IGF1R: variants seen among roughly 807,000 people sequenced by gnomAD.
The protein encoded by IGF1R is insulin-like growth factor 1 receptor.
IGF1R carries 44 observed loss-of-function variants against 144.6 expected under a neutral mutation model. That is an observed-to-expected ratio of 0.30 (90% CI 0.24 to 0.39). The LOEUF (loss-of-function observed/expected upper bound fraction) is 0.39, where lower values mean the gene tolerates loss of function less well. Ranked by LOEUF, IGF1R falls within the 10% of genes least tolerant of loss-of-function variation. IGF1R has a pLI of 1.00. For missense variants in IGF1R, 1,355 were observed against 1,833.7 expected (o/e 0.74, Z 4.77); for synonymous variants, 795 against 722.8 (o/e 1.10, Z -1.60).
At chr15:98,878,663 C>CA (rs138285597) in intron 2 of IGF1R, among the ~76,000 whole-genome samples, 815 of 57,840 alleles carry the variant, frequency 0.014, 38 homozygotes, top group African/African-American at 0.019. Context: ...GTGAAAGACT[C>CA]AAAAAAAAAA....
chr15:98,665,197 C>G lies in IGF1R; in HGVS notation c.94+15522C>G, dbSNP rs184585720. On this transcript the variant is annotated intron_variant, in intron 1 of 20. Transcript: ENST00000650285. ...TGATCTCCTGACCTTGTGATCCGCCCACCTCGGCCTCCCAAAGTGCTGGGA... is the reference window on the plus strand; with the variant it reads ...TGATCTCCTGACCTTGTGATCCGCCGACCTCGGCCTCCCAAAGTGCTGGGA... Among the ~76,000 whole-genome samples the G allele has an allele frequency of 7.2e-3, 1,091 of 152,252 alleles. 9 individuals carry two copies. The highest frequency in any genetic ancestry group is 0.01 in the Non-Finnish European group (702 of 68,020).
intron 1 of IGF1R, among the ~76,000 whole-genome samples, chr15:98,652,448 A>G (rs2052391212): frequency 6.6e-6 from 1 of 152,254 alleles, no homozygotes; most frequent in Non-Finnish European, 1.5e-5. Context: ...GAAAGAACCT[A>G]AACAGCAAAT....
At chr15:98,868,008 C>G (rs1194288665) in intron 2 of IGF1R, among the ~76,000 whole-genome samples, 3 of 152,104 alleles carry the variant, frequency 2.0e-5, no homozygotes, top group Non-Finnish European at 4.4e-5. Flanking sequence ...CGAGACTAGC[C>G]TGGCCAACGT....
chr15:98,826,469 G>A (rs1305889143), intron 2 of IGF1R, among the ~76,000 whole-genome samples: 3 of 152,172 alleles, frequency 2.0e-5, no homozygotes, highest in Non-Finnish European at 2.9e-5. Context: ...AAAATGCAAC[G>A]ACTGTAATTT....
At chr15:98,814,977 A>C (rs1335266858) in intron 2 of IGF1R, among the ~76,000 whole-genome samples, 1 of 152,194 alleles carries the variant, frequency 6.6e-6, no homozygotes, top group Non-Finnish European at 1.5e-5. Flanking sequence ...TCAGAGTAGC[A>C]GTTATAAAGT....
At chr15:98,752,679 G>A (rs113207462) in intron 2 of IGF1R, among the ~76,000 whole-genome samples, 5,830 of 106,958 alleles carry the variant, frequency 0.055, 332 homozygotes, top group African/African-American at 0.17. Flanking sequence ...GCGAGACTCC[G>A]TCTCAAAGAA....
intron 2 of IGF1R, among the ~76,000 whole-genome samples, chr15:98,769,263 G>T (rs564699705): frequency 6.6e-6 from 1 of 152,328 alleles, no homozygotes; most frequent in African/African-American, 2.4e-5. Flanking sequence ...TCCATGAAGG[G>T]ATAGGCATTG....
At chr15:98,733,745 T>G (rs2054550030) in intron 2 of IGF1R, among the ~76,000 whole-genome samples, 1 of 152,314 alleles carries the variant, frequency 6.6e-6, no homozygotes, top group African/African-American at 2.4e-5. Context: ...TGGGACTGTT[T>G]GCAAGCTACT....
intron 2 of IGF1R, among the ~76,000 whole-genome samples, chr15:98,758,627 G>A (rs1039560164): frequency 2.0e-5 from 3 of 152,218 alleles, no homozygotes; most frequent in African/African-American, 7.2e-5. Context: ...GATGAGCAGG[G>A]TGCAGGGCCT....
At chr15:98,758,210 T>G (rs1188527490) in intron 2 of IGF1R, among the ~76,000 whole-genome samples, 2 of 150,168 alleles carry the variant, frequency 1.3e-5, no homozygotes, top group Non-Finnish European at 1.5e-5. Context: ...TTAAAGTGTT[T>G]TTTTTTTTTT....
intron 2 of IGF1R, among the ~76,000 whole-genome samples, chr15:98,858,279 G>C (rs2011946567): frequency 6.6e-6 from 1 of 151,522 alleles, no homozygotes; most frequent in African/African-American, 2.4e-5. Context: ...TTCATTTGTA[G>C]TTTCCCCCCG....
At chr15:98,749,656 G>A (rs1336914189) in intron 2 of IGF1R, among the ~76,000 whole-genome samples, 1 of 152,204 alleles carries the variant, frequency 6.6e-6, no homozygotes, top group Non-Finnish European at 1.5e-5. Flanking sequence ...AGCTGACATT[G>A]TAATGACATG....
chr15:98,876,093 A>G (rs1227534649), intron 2 of IGF1R, among the ~76,000 whole-genome samples: 1 of 152,220 alleles, frequency 6.6e-6, no homozygotes, highest in East Asian at 1.9e-4. Context: ...AAACCAGGAA[A>G]TAATAGTAGA....
chr15:98,865,225 C>T (rs1270371169), intron 2 of IGF1R, among the ~76,000 whole-genome samples: 1 of 152,174 alleles, frequency 6.6e-6, no homozygotes, highest in South Asian at 2.1e-4. Flanking sequence ...TTTGTGTTTG[C>T]AGTTTCCAGA....
rs562289214 is a variant in IGF1R at position 98,679,144 on chromosome 15, G to T, written c.95-28418G>T. On this transcript the variant is annotated intron_variant, in intron 1 of 20. Transcript: ENST00000650285. ...TGGTTTTGAACTCCTGGGATCAAGC[G>T]ACCCTCCTCCCTTGGCCTCCCAAAG... Among the ~76,000 whole-genome samples, 55 of 152,068 alleles carry T rather than the reference G, an allele frequency of 3.6e-4. 1 individual carries two copies. Among genetic ancestry groups the T allele is most frequent in the African/African-American group, 1.1e-3 (45 of 41,464 alleles).
intron 2 of IGF1R, among the ~76,000 whole-genome samples, chr15:98,851,158 G>A (rs2011512849): frequency 6.6e-6 from 1 of 152,164 alleles, no homozygotes; most frequent in Admixed American, 6.5e-5. Context: ...GTGAAGGTTT[G>A]TGTGTGGCCC....
chr15:98,827,523 A>T (rs952376158), intron 2 of IGF1R, among the ~76,000 whole-genome samples: 7 of 152,242 alleles, frequency 4.6e-5, no homozygotes, highest in African/African-American at 1.4e-4. Context: ...TGGAGATACT[A>T]TGAATTGGTT....
intron 5 of IGF1R, among the ~76,000 whole-genome samples, chr15:98,902,920 T>A (rs1197956669): frequency 6.6e-6 from 1 of 152,086 alleles, no homozygotes; most frequent in Non-Finnish European, 1.5e-5. Flanking sequence ...GAACAGAAAA[T>A]TCAAGCATTT....
intron 1 of IGF1R, among the ~76,000 whole-genome samples, chr15:98,651,339 A>G (rs946586737): frequency 5.3e-5 from 8 of 152,182 alleles, no homozygotes; most frequent in South Asian, 2.1e-4. Context: ...CGGACCTTCC[A>G]CAGATCTGGG....
Sources: gnomAD v4.1 joint callset for allele counts (sites outside exome capture counted in the v4.1 genomes callset) on GRCh38, gnomAD v4.1.1 for gene constraint, MANE v1.5 for transcripts, NCBI Gene and HGNC (gene_info 2026-07-23, HGNC 2026-07-21) for gene names.